Variants in RGS12 observed in about 807,000 individuals in gnomAD.
RGS12 encodes regulator of G protein signaling 12.
Under a neutral mutation model 120.1 loss-of-function variants are expected in RGS12, and 66 were observed. The ratio of observed to expected loss-of-function variants is 0.55; its 90% CI spans 0.45 to 0.67. The LOEUF is 0.67. Ranked by LOEUF, RGS12 falls within the 30% of genes least tolerant of loss-of-function variation. The probability of loss-of-function intolerance (pLI) is 0.00; values close to 1 mark genes in which losing one functional copy is unlikely to be tolerated. For synonymous variants in RGS12, 827 were observed against 804.7 expected (o/e 1.03, Z -0.47); for missense variants, 1,859 against 1,957.7 (o/e 0.95, Z 0.95).
intron 3 of RGS12, among the ~76,000 whole-genome samples, chr4:3,379,880 C>T (rs1045767293): frequency 2.0e-5 from 3 of 152,172 alleles, no homozygotes; most frequent in East Asian, 1.9e-4. Flanking sequence ...GAAACTGCAT[C>T]GTTCCACCCC....
At chr4:3,379,340 A>G (rs953105461) in intron 3 of RGS12, among the ~76,000 whole-genome samples, 5 of 152,156 alleles carry the variant, frequency 3.3e-5, no homozygotes, top group African/African-American at 4.8e-5. Flanking sequence ...GAAATTTGCT[A>G]AGAGAGTAAA....
At chr4:3,341,205 C>CGGAGGGG (rs1713060068) in intron 2 of RGS12, among the ~76,000 whole-genome samples, 1 of 64,412 alleles carries the variant, frequency 1.6e-5, no homozygotes, top group Non-Finnish European at 3.1e-5. Context: ...GGGGTGTGGG[C>CGGAGGGG]AGGGACAAGG....
intron 9 of RGS12, chr4:3,420,415 T>C: frequency 1.6e-6 from 1 of 607,122 alleles, no homozygotes; most frequent in East Asian, 2.8e-5. Flanking sequence ...GTAGCATCTC[T>C]GCTGCATGGT....
rs534014834 is a variant in RGS12, at chr4:3,324,541, G to A, written c.1881+6490G>A. On this transcript the variant is annotated intron_variant, in intron 2 of 17. Transcript: ENST00000336727. ...CTGGGTGAACCAGTCAATCACAGGA[G>A]GTGCTTTCAGCCATTCATGGAGGAT... 150 of 163,876 alleles carry A rather than the reference G, an allele frequency of 9.2e-4. 2 individuals are homozygous for A. The South Asian group carries it at 0.019, about 21-fold the overall frequency. The allele number at this position is 163,876 out of a possible 1,614,324, so 10.2% of individuals were successfully genotyped here.
At chr4:3,403,167 G>T (rs925922889) in intron 4 of RGS12, among the ~76,000 whole-genome samples, 1 of 152,252 alleles carries the variant, frequency 6.6e-6, no homozygotes, top group Non-Finnish European at 1.5e-5. Context: ...AGGACTTGGT[G>T]TCACTTCAGA....
chr4:3,325,349 T>C (rs1388792886), intron 2 of RGS12, among the ~76,000 whole-genome samples: 1 of 152,226 alleles, frequency 6.6e-6, no homozygotes, highest in Non-Finnish European at 1.5e-5. Flanking sequence ...TTGTCCTCTC[T>C]GAAACTCATG....
chr4:3,308,274 T>C (rs1218131457), intron 1 of RGS12, among the ~76,000 whole-genome samples: 2 of 152,206 alleles, frequency 1.3e-5, no homozygotes, highest in African/African-American at 2.4e-5. Context: ...AAGAAACACA[T>C]GTGACGATCT....
At chr4:3,432,950 G>A in intron 17 of RGS12, among the ~76,000 whole-genome samples, 1 of 152,216 alleles carries the variant, frequency 6.6e-6, no homozygotes, top group East Asian at 1.9e-4. Context: ...TGTGATGTTG[G>A]CTCAAGCCTG....
Position 3,439,717 on chromosome 4 carries a change from A to G in RGS12, c.*33A>G, listed in dbSNP as rs748534821. On this transcript the variant is annotated 3_prime_UTR_variant, in exon 18 of 18. Coordinates refer to ENST00000336727, the MANE Select transcript of RGS12 (RefSeq NM_001394154.1). ...TGGCCTGGCCAACTCTCCTGTGGAC[A>G]TGTCGGGGTGGGGCAGCCCAGGTGG... 1.2e-5 allele frequency: 18 copies of G among 1,456,450 alleles called. No homozygotes were observed. Among genetic ancestry groups the G allele is most frequent in the Non-Finnish European group, 1.5e-5 (16 of 1,100,752 alleles). The allele number at this position is 1,456,450 out of a possible 1,614,324, so 90.2% of individuals were successfully genotyped here.
chr4:3,370,449 G>A (rs2108886812), intron 3 of RGS12: 4 of 919,286 alleles, frequency 4.4e-6, no homozygotes, highest in Middle Eastern at 2.3e-4. Flanking sequence ...TTTGGAAATG[G>A]TTTTCATGTG....
intron 1 of RGS12, among the ~76,000 whole-genome samples, chr4:3,294,485 G>A (rs539268332): frequency 2.7e-4 from 41 of 152,378 alleles, no homozygotes; most frequent in Middle Eastern, 3.4e-3. Context: ...TTCTTCCCCT[G>A]AAAAAGCGAT....
chr4:3,409,619 G>T (rs1378047088), intron 4 of RGS12, among the ~76,000 whole-genome samples: 1 of 152,246 alleles, frequency 6.6e-6, no homozygotes, highest in Non-Finnish European at 1.5e-5. Context: ...GGGCCCGGGG[G>T]CTGGTGTGGG....
At position 3,428,679 on chromosome 4, in the gene RGS12, A is replaced by T. The variant is rs142314294; in HGVS notation, c.3533A>T (p.Lys1178Ile). 5.9e-4 allele frequency: 945 copies of T among 1,595,118 alleles called. 1 individual carries two copies. The highest frequency in any genetic ancestry group is 7.3e-4 in the Non-Finnish European group (853 of 1,175,352). ...EESIAKIGKKKYQKINLDEAE... is the reference protein window; with the variant it reads ...EESIAKIGKKIYQKINLDEAE... ...TCTATTGCAAAGATTGGGAAAAAAAAATATCAGAAAATTAATTTGGACGAA... is the reference window on the plus strand; with the variant it reads ...TCTATTGCAAAGATTGGGAAAAAAATATATCAGAAAATTAATTTGGACGAA... Residue 1178 changes from lysine to isoleucine, a missense_variant, in exon 16 of 18, where the codon AAA (lysine) becomes ATA (isoleucine). Physicochemically the swap from Lys to Ile is moderately radical, Grantham distance 102. This residue lies in a region of RGS12 where 517 missense variants were observed against 488.5 expected (regional missense o/e 1.06). Coordinates refer to ENST00000336727, the MANE Select transcript of RGS12 (RefSeq NM_001394154.1).
intron 17 of RGS12, 135 bp downstream of exon 17, chr4:3,431,090 T>A: frequency 6.9e-7 from 1 of 1,450,652 alleles, no homozygotes; most frequent in Non-Finnish European, 9.0e-7. Context: ...ACCTGCTGGT[T>A]GGGGGCTTCC....
In RGS12 at chr4:3,430,819, C is replaced by T. The variant is rs142419948; in HGVS notation, c.3978C>T (p.Ala1326=). The T allele has an allele frequency of 3.9e-5, 63 of 1,611,848 alleles. No individual in the cohort carries two copies. The highest frequency in any genetic ancestry group is 1.8e-4 in the Admixed American group (11 of 59,868). The change falls in exon 17 of 18, where the codon GCC becomes GCT. Residue 1326 remains alanine (A), a synonymous_variant. Coordinates refer to ENST00000336727, the MANE Select transcript of RGS12 (RefSeq NM_001394154.1). ...AGAGGCAGTCTCAGGAAGTGGAGGC[C>T]GGGGGCATCCAGACGGTGGAGGATG... ...IWKRQSQEVE[A]GGIQTVEDEH... is the part of the protein sequence containing the mutation.
chr4:3,423,539 G>A lies in RGS12; in HGVS notation c.3132G>A (p.Arg1044=), dbSNP rs779462380. The change falls in exon 13 of 18, where the codon CGG becomes CGA. Residue 1044 remains arginine (R), a synonymous_variant. Transcript: ENST00000336727. ...LFRLDLVPIN[R]SVGLKAKPTK... Reference sequence around the variant, plus strand: ...GGCTGGATCTTGTTCCGATTAACCGGTCAGTGGGACTCAAGGCCAAGCCCA... The same window carrying A: ...GGCTGGATCTTGTTCCGATTAACCGATCAGTGGGACTCAAGGCCAAGCCCA... 39 of 1,613,142 alleles carry A rather than the reference G, an allele frequency of 2.4e-5. 1 individual carries two copies. The South Asian group carries it at 3.8e-4, about 16-fold the overall frequency.
chr4:3,370,159 G>A (rs1230184133), intron 3 of RGS12: 20 of 1,559,774 alleles, frequency 1.3e-5, no homozygotes, highest in East Asian at 6.8e-5. Context: ...CGAAGGGAGC[G>A]AGAGGGAACT....
chr4:3,404,587 A>G (rs1720916435), intron 4 of RGS12, among the ~76,000 whole-genome samples: 1 of 152,230 alleles, frequency 6.6e-6, no homozygotes, highest in African/African-American at 2.4e-5. Context: ...AGGGAGTTAC[A>G]GAGATGGAAG....
At chr4:3,348,206 A>G (rs1465161874) in intron 3 of RGS12, among the ~76,000 whole-genome samples, 2 of 152,232 alleles carry the variant, frequency 1.3e-5, no homozygotes, top group East Asian at 1.9e-4. Context: ...ACAGGTCACT[A>G]TTAGATAATA....
Sources: gnomAD v4.1 joint callset for allele counts (sites outside exome capture counted in the v4.1 genomes callset) on GRCh38, gnomAD v4.1.1 for gene constraint, gnomAD v4.1.1 regional missense constraint, MANE v1.5 for transcripts, NCBI Gene and HGNC (gene_info 2026-07-23, HGNC 2026-07-21) for gene names.